PCDH9: variants seen among roughly 807,000 people sequenced by gnomAD.
The protein encoded by PCDH9 is protocadherin-9.
A neutral mutation model predicts 70.6 loss-of-function variants in PCDH9; 24 were observed. The observed-to-expected ratio is 0.34, with a 90% CI of 0.25 to 0.48. The LOEUF is 0.48. PCDH9 is among the 20% of genes least tolerant of loss of function. The pLI is 0.99. For synonymous variants in PCDH9, 562 were observed against 558.5 expected, an observed-to-expected ratio of 1.01 and a Z score of -0.09; for missense variants, 1,281 against 1,503.6, an observed-to-expected ratio of 0.85 and a Z score of 2.45.
intron 2 of PCDH9, among the ~76,000 whole-genome samples, chr13:67,105,685 A>C (rs2086526082): frequency 6.6e-6 from 1 of 152,012 alleles, no homozygotes; most frequent in Non-Finnish European, 1.5e-5. Flanking sequence ...GCTGCTTTTC[A>C]CTTTCTCTTT....
chr13:67,012,681 A>G (rs541391674), intron 2 of PCDH9, among the ~76,000 whole-genome samples: 4 of 152,146 alleles, frequency 2.6e-5, no homozygotes, highest in African/African-American at 7.2e-5. Flanking sequence ...TGACTCATCC[A>G]GCTTCTGCCC....
intron 3 of PCDH9, among the ~76,000 whole-genome samples, chr13:66,800,492 T>C (rs1464516321): frequency 2.0e-5 from 3 of 152,148 alleles, no homozygotes; most frequent in Non-Finnish European, 4.4e-5. Flanking sequence ...AGCACCCTCA[T>C]GTAAGCACCA....
At chr13:66,773,505 C>T (rs1039715643) in intron 3 of PCDH9, among the ~76,000 whole-genome samples, 9 of 151,002 alleles carry the variant, frequency 6.0e-5, no homozygotes, top group African/African-American at 2.2e-4. Context: ...GTGGCGGGCG[C>T]CTGTAGTCCC....
At chr13:66,328,283 C>G (rs1026592333) in intron 4 of PCDH9, among the ~76,000 whole-genome samples, 1 of 151,908 alleles carries the variant, frequency 6.6e-6, no homozygotes, top group African/African-American at 2.4e-5. Flanking sequence ...GAATATTTTT[C>G]AGACACAAAT....
At chr13:66,989,637 T>C (rs1206826130) in intron 2 of PCDH9, among the ~76,000 whole-genome samples, 1 of 151,888 alleles carries the variant, frequency 6.6e-6, no homozygotes, top group Non-Finnish European at 1.5e-5. Flanking sequence ...AATCACTTTA[T>C]TCATGAATAA....
In PCDH9 at chr13:66,810,278, T is replaced by A. The variant is rs543473014; in HGVS notation, c.3138+93226A>T. 5.9e-5 allele frequency among the ~76,000 whole-genome samples: 9 copies of A among 152,200 alleles called. No individual in the cohort carries two copies. The East Asian group carries it at 1.2e-3, about 20-fold the overall frequency. On this transcript the variant is annotated intron_variant, in intron 3 of 4. Transcript: ENST00000377865. Reference sequence around the variant, plus strand: ...GTTAGTATAAATACAGAATTTTTTTTAATTTAAAGTGGCTTCTACATGATA... The same window carrying A: ...GTTAGTATAAATACAGAATTTTTTTAAATTTAAAGTGGCTTCTACATGATA...
chr13:66,521,180 T>C (rs1593614635), intron 4 of PCDH9, among the ~76,000 whole-genome samples: 1 of 152,156 alleles, frequency 6.6e-6, no homozygotes, highest in East Asian at 1.9e-4. Context: ...AAATCTTTTT[T>C]TTCCCTCTGT....
At chr13:67,129,399 T>C (rs1001746981) in intron 2 of PCDH9, among the ~76,000 whole-genome samples, 5 of 151,838 alleles carry the variant, frequency 3.3e-5, no homozygotes, top group African/African-American at 1.2e-4. Flanking sequence ...AAAAAATACG[T>C]GTGTGTGTGT....
At chr13:67,026,084 C>T (rs1388367934) in intron 2 of PCDH9, among the ~76,000 whole-genome samples, 1 of 152,084 alleles carries the variant, frequency 6.6e-6, no homozygotes, top group Non-Finnish European at 1.5e-5. Flanking sequence ...GTGTACACAT[C>T]TGCATCTATT....
intron 4 of PCDH9, among the ~76,000 whole-genome samples, chr13:66,501,289 C>T (rs1430329394): frequency 6.6e-6 from 1 of 152,034 alleles, no homozygotes; most frequent in East Asian, 1.9e-4. Context: ...GACTCATGAA[C>T]ATCACTGTTT....
At chr13:66,656,035 T>G (rs150634319) in intron 3 of PCDH9, among the ~76,000 whole-genome samples, 1 of 152,216 alleles carries the variant, frequency 6.6e-6, no homozygotes, top group East Asian at 1.9e-4. Context: ...TCACAATTGA[T>G]TCTAAGAGAA....
chr13:66,868,716 G>T (rs1435786143), intron 3 of PCDH9, among the ~76,000 whole-genome samples: 1 of 152,116 alleles, frequency 6.6e-6, no homozygotes, highest in African/African-American at 2.4e-5. Flanking sequence ...AGAGACATAT[G>T]ACATGAAATT....
At chr13:66,549,459 T>C (rs1380164001) in intron 4 of PCDH9, among the ~76,000 whole-genome samples, 2 of 152,112 alleles carry the variant, frequency 1.3e-5, no homozygotes, top group Admixed American at 1.3e-4. Context: ...CTCATTTAAT[T>C]CTTAATAAAC....
chr13:66,999,185 C>G (rs1379720137), intron 2 of PCDH9, among the ~76,000 whole-genome samples: 1 of 152,168 alleles, frequency 6.6e-6, no homozygotes, highest in Admixed American at 6.5e-5. Context: ...CACACACTTA[C>G]ACTTCAAGGC....
At chr13:66,685,355 T>C (rs2078386065) in intron 3 of PCDH9, among the ~76,000 whole-genome samples, 1 of 152,208 alleles carries the variant, frequency 6.6e-6, no homozygotes. Flanking sequence ...CCACATGGTG[T>C]TGGGCCTGCA....
At chr13:66,427,869 T>A (rs533978169) in intron 4 of PCDH9, among the ~76,000 whole-genome samples, 18 of 151,856 alleles carry the variant, frequency 1.2e-4, no homozygotes, top group Non-Finnish European at 2.1e-4. Flanking sequence ...CCAGGAGATA[T>A]TTCATACTAA....
intron 4 of PCDH9, among the ~76,000 whole-genome samples, chr13:66,573,737 TTTTG>T (rs71205596): frequency 0.061 from 9,224 of 151,230 alleles, 598 homozygotes; most frequent in African/African-American, 0.17. Context: ...AGTTGGGTTT[TTTTG>T]TTTGTTTGTT....
intron 4 of PCDH9, among the ~76,000 whole-genome samples, chr13:66,409,532 T>G (rs1156301645): frequency 6.6e-6 from 1 of 151,450 alleles, no homozygotes; most frequent in Non-Finnish European, 1.5e-5. Flanking sequence ...CTGAACATTA[T>G]TACAAATTCT....
At chr13:66,846,884 T>TACACACAC (rs34392674) in intron 3 of PCDH9, among the ~76,000 whole-genome samples, 4,604 of 149,544 alleles carry the variant, frequency 0.031, 131 homozygotes, top group South Asian at 0.054. Flanking sequence ...TTTCTCATAA[T>TACACACAC]ACACACACAC....
Sources: allele counts gnomAD v4.1 joint callset (sites outside exome capture counted in the v4.1 genomes callset), GRCh38; gene constraint gnomAD v4.1.1; transcripts MANE v1.5; gene names NCBI Gene and HGNC (gene_info 2026-07-23, HGNC 2026-07-21).